Variants in CELSR3 observed in about 807,000 individuals in gnomAD.
CELSR3 encodes EGF-like protein 1.
A neutral mutation model predicts 270.0 loss-of-function variants in CELSR3; 73 were observed. The ratio of observed to expected loss-of-function variants is 0.27; its 90% confidence interval spans 0.22 to 0.33. The LOEUF is 0.33. Ranked by LOEUF, CELSR3 falls within the 10% of genes least tolerant of loss-of-function variation. The pLI, the probability that CELSR3 is intolerant of heterozygous loss-of-function variation, is 1.00. For synonymous variants in CELSR3, 1,780 were observed against 1,905.4 expected, an observed-to-expected ratio of 0.93 and a Z score of 1.71; for missense variants, 3,614 against 4,533.8, an observed-to-expected ratio of 0.80 and a Z score of 5.83.
Position 48,643,075 on chromosome 3 carries a change from C to A in CELSR3, c.8298G>T (p.Ala2766=). Residue 2766 remains alanine (A), a synonymous_variant, in exon 29 of 35, where the codon GCG becomes GCT. Transcript: ENST00000164024. ...HAGLCGLQGL[A]VLLLFCVLNA... ...TTAGGACACAGAAGAGCAGCAGCAC[C>A]GCCAGGCCCTGTGGGTCAGCGAGGG... 1 of 1,610,654 alleles carries A rather than the reference C, an allele frequency of 6.2e-7. No individual in the cohort carries two copies. The highest frequency in any genetic ancestry group is 1.1e-5 in the South Asian group (1 of 91,032).
Position 48,650,276 on chromosome 3 carries a change from T to C in CELSR3, c.6472+204A>G. ...CCTGAGCAAACACGTACCCCTTACC[T>C]GCACCCCGCAATCCTGCCCAGAAGC... On this transcript the variant is annotated intron_variant, in intron 16 of 34. Coordinates refer to ENST00000164024, the MANE Select transcript of CELSR3 (RefSeq NM_001407.3). The surrounding 1 kb of genome is among the most constrained non-coding windows in gnomAD (Gnocchi z 5.1). 1.5e-6 allele frequency: 1 copy of C among 679,038 alleles called. No individual in the cohort carries two copies. Among genetic ancestry groups the C allele is most frequent in the Non-Finnish European group, 2.7e-6 (1 of 370,212 alleles). The allele number at this position is 679,038 out of a possible 1,614,324, so 42.1% of individuals were successfully genotyped here. A position where few individuals can be genotyped will look rare whatever the true frequency, so the allele number is the denominator to read the frequency against.
At position 48,650,439 on chromosome 3, in the gene CELSR3, A is replaced by G; in HGVS notation, c.6472+41T>C. The G allele has an allele frequency of 1.5e-5, 8 of 539,848 alleles. No individual in the cohort carries two copies. The highest frequency in any genetic ancestry group is 4.5e-5 in the East Asian group (1 of 22,462). 33.4% of individuals were successfully genotyped at this position (539,848 alleles called of 1,614,324 possible). A position where few individuals can be genotyped will look rare whatever the true frequency, so the allele number is the denominator to read the frequency against. On this transcript the variant is annotated intron_variant, in intron 16 of 34. Transcript: ENST00000164024. The surrounding 1 kb of genome is among the most constrained non-coding windows in gnomAD (Gnocchi z 5.1). ...GCTCTAGCAGTCAGAGTACAGGCCC[A>G]CCCCCACCCTCAGTGATGTCCTTTC...
At position 48,642,684 on chromosome 3, in the gene CELSR3, G is replaced by A. The variant is rs1326356644; in HGVS notation, c.8555+52C>T. The A allele has an allele frequency of 4.4e-6, 7 of 1,576,668 alleles. No individual in the cohort carries two copies. The Middle Eastern group carries it at 6.8e-4, about 152-fold the overall frequency. On this transcript the variant is annotated intron_variant, in intron 30 of 34. Transcript: ENST00000164024. This position sits in a 1 kb window ranked among gnomAD's most constrained non-coding sequence, Gnocchi z 6.1. ...ACCTGGTCAGCCAAGCCCTGGTAAG[G>A]TGGGGCTGGACTAAGCTGAGTGTTC...
chr3:48,643,995 G>C, intron 27 of CELSR3: 1 of 588,668 alleles, frequency 1.7e-6, no homozygotes, highest in Non-Finnish European at 3.0e-6. Context: ...ACTCTGGGGG[G>C]ACCCAGAGGA....
chr3:48,650,433 A>AGGGGGGGGGGGGGGGGGGGG lies in CELSR3; in HGVS notation c.6472+46_6472+47insCCCCCCCCCCCCCCCCCCCC. ...GACATGGCTCTAGCAGTCAGAGTAC[A>AGGGGGGGGGGGGGGGGGGGG]GGCCCACCCCCACCCTCAGTGATGT... On this transcript the variant is annotated intron_variant, in intron 16 of 34. Coordinates refer to ENST00000164024, the MANE Select transcript of CELSR3 (RefSeq NM_001407.3). The surrounding 1 kb of genome is among the most constrained non-coding windows in gnomAD (Gnocchi z 5.1). The AGGGGGGGGGGGGGGGGGGGG allele has an allele frequency of 4.3e-6, 4 of 927,814 alleles. No individual in the cohort carries two copies. Among genetic ancestry groups the AGGGGGGGGGGGGGGGGGGGG allele is most frequent in the East Asian group, 3.2e-5 (1 of 31,406 alleles). The allele number at this position is 927,814 out of a possible 1,614,324, so 57.5% of individuals were successfully genotyped here. A position where few individuals can be genotyped will look rare whatever the true frequency, so the allele number is the denominator to read the frequency against.
Position 48,638,151 on chromosome 3 carries a change from T to C in CELSR3, c.*54A>G. ...GCCCCCACTCCTGGAGTCTCTCCTGTTAGCCTAGATCCTCTGTCGCCCTCA... is the reference window on the plus strand; with the variant it reads ...GCCCCCACTCCTGGAGTCTCTCCTGCTAGCCTAGATCCTCTGTCGCCCTCA... On this transcript the variant is annotated 3_prime_UTR_variant, in exon 35 of 35. Transcript: ENST00000164024. The C allele has an allele frequency of 6.5e-7, 1 of 1,546,412 alleles. No homozygotes were observed. The highest frequency in any genetic ancestry group is 8.9e-7 in the Non-Finnish European group (1 of 1,118,884).
chr3:48,641,923 G>T lies in CELSR3; in HGVS notation c.8752C>A (p.Arg2918=). Residue 2918 remains arginine, a synonymous_variant, in exon 32 of 35, where the codon CGG becomes AGG. Coordinates refer to ENST00000164024, the MANE Select transcript of CELSR3 (RefSeq NM_001407.3). The surrounding 1 kb of genome is among the most constrained non-coding windows in gnomAD (Gnocchi z 4.8). ...IPSSESEDNG[R]TRGRFQRPLC... ...GGCCGTTGGAAGCGCCCCCGCGTCC[G>T]GCCATTGTCCTCGCTTTCTGAAGAT... 6.2e-7 allele frequency: 1 copy of T among 1,600,522 alleles called. No individual in the cohort carries two copies.
intron 18 of CELSR3, 83 bp downstream of exon 18, chr3:48,648,636 G>C (rs1361882443): frequency 1.3e-6 from 2 of 1,494,664 alleles, no homozygotes; most frequent in Non-Finnish European, 1.8e-6. Flanking sequence ...CAAGAGAACA[G>C]CAGGAGCCTG....
rs1286104010 is a variant in CELSR3, at chr3:48,652,214, C to G, written c.5752-166G>C. Among the ~76,000 whole-genome samples, 1 of 152,194 alleles carries G rather than the reference C, an allele frequency of 6.6e-6. No homozygotes were observed. The highest frequency in any genetic ancestry group is 1.5e-5 in the Non-Finnish European group (1 of 68,024). ...CCCAATTTGGTACCCCTGTGGGACC[C>G]TAATTGTGCTGTTTCTGACACAGAT... On this transcript the variant is annotated intron_variant, in intron 11 of 34. Coordinates refer to ENST00000164024, the MANE Select transcript of CELSR3 (RefSeq NM_001407.3). The surrounding 1 kb of genome is among the most constrained non-coding windows in gnomAD (Gnocchi z 4.3).
chr3:48,645,678 G>A lies in CELSR3; in HGVS notation c.7591-29C>T. The A allele has an allele frequency of 2.5e-6, 4 of 1,602,242 alleles. No individual in the cohort carries two copies. Among genetic ancestry groups the A allele is most frequent in the Non-Finnish European group, 3.4e-6 (4 of 1,171,396 alleles). Reference sequence around the variant, plus strand: ...CAGAGACAGGGATGGTTGATGGGTTGTTGGGCAGAATCCCCGTGTCCCTTT... The same window carrying A: ...CAGAGACAGGGATGGTTGATGGGTTATTGGGCAGAATCCCCGTGTCCCTTT... On this transcript the variant is annotated intron_variant, in intron 23 of 34. Coordinates refer to ENST00000164024, the MANE Select transcript of CELSR3 (RefSeq NM_001407.3). The surrounding 1 kb of genome is among the most constrained non-coding windows in gnomAD (Gnocchi z 5.4).
chr3:48,640,645 C>T lies in CELSR3; in HGVS notation c.9026-86G>A, dbSNP rs1207154905. ...TGCTGAGTCTAGGGGTGTGGCAGCC[C>T]TTGGGATCCTTCCAACACAGGGATG... is the stretch of plus-strand genomic sequence containing the variant. On this transcript the variant is annotated intron_variant, in intron 33 of 34. Coordinates refer to ENST00000164024, the MANE Select transcript of CELSR3 (RefSeq NM_001407.3). The surrounding 1 kb of genome is among the most constrained non-coding windows in gnomAD (Gnocchi z 7.5). 1 of 1,382,428 alleles carries T rather than the reference C, an allele frequency of 7.2e-7. No individual in the cohort carries two copies. Among genetic ancestry groups the T allele is most frequent in the Non-Finnish European group, 9.6e-7 (1 of 1,039,644 alleles). The allele number at this position is 1,382,428 out of a possible 1,614,324, so 85.6% of individuals were successfully genotyped here. A position where few individuals can be genotyped will look rare whatever the true frequency, so the allele number is the denominator to read the frequency against.
At position 48,648,740 on chromosome 3, in the gene CELSR3, T is replaced by G; in HGVS notation, c.6756A>C (p.Thr2252=). The G allele has an allele frequency of 6.2e-7, 1 of 1,612,146 alleles. No homozygotes were observed. The highest frequency in any genetic ancestry group is 8.5e-7 in the Non-Finnish European group (1 of 1,179,920). ...CCACCTCATTGAAGTGGGCATCCTG[T>G]GTGGCTGTCAGCCCGAAGCCCTGCT... ...SHQQGFGLTA[T]QDAHFNENLL... Residue 2252 remains threonine (T), a synonymous_variant, in exon 18 of 35, where the codon ACA becomes ACC. Coordinates refer to ENST00000164024, the MANE Select transcript of CELSR3 (RefSeq NM_001407.3).
Position 48,656,293 on chromosome 3 carries a change from G to A in CELSR3, c.4472C>T (p.Thr1491Ile), listed in dbSNP as rs1418675136. The A allele has an allele frequency of 1.3e-6, 2 of 1,520,566 alleles. No homozygotes were observed. 94.2% of individuals were successfully genotyped at this position (1,520,566 alleles called of 1,614,324 possible). The stretch of plus-strand genomic sequence containing the variant: ...GCGAAAGCCGCCGTTGGGCGCGTCG[G>A]TGCAGGTGCCCCCGTTGCGGCAGAC... Reference protein sequence around the residue: ...PGVCRNGGTCTDAPNGGFRCQ... With the variant: ...PGVCRNGGTCIDAPNGGFRCQ... The change falls in exon 3 of 35, where the codon ACC becomes ATC. Residue 1491 changes from threonine to isoleucine, a missense_variant. By Grantham distance (89) the Thr-to-Ile change is moderately conservative (BLOSUM62 -1). Transcript: ENST00000164024.
At position 48,648,477 on chromosome 3, in the gene CELSR3, T is replaced by C; in HGVS notation, c.6778-16A>G. 2.0e-6 allele frequency: 3 copies of C among 1,519,596 alleles called. No homozygotes were observed. Among genetic ancestry groups the C allele is most frequent in the Non-Finnish European group, 2.6e-6 (3 of 1,136,248 alleles). 94.1% of individuals were successfully genotyped at this position (1,519,596 alleles called of 1,614,324 possible). A position where few individuals can be genotyped will look rare whatever the true frequency, so the allele number is the denominator to read the frequency against. On this transcript the variant is annotated splice_polypyrimidine_tract_variant and intron_variant, in intron 18 of 34. Coordinates refer to ENST00000164024, the MANE Select transcript of CELSR3 (RefSeq NM_001407.3). ...ACAGCAGATTCTGGGAAGACAGAGA[T>C]AGAATTGGGTTCAGCCAGGTGGTGA...
In CELSR3 at chr3:48,642,093, T is replaced by C. The variant is rs2047032444; in HGVS notation, c.8666-84A>G. ...TTGGAGTTGAGGGTCTAGAGGTGGGTACGGCAAGGGGGTTAGGGTTGGGGA... is the reference window on the plus strand; with the variant it reads ...TTGGAGTTGAGGGTCTAGAGGTGGGCACGGCAAGGGGGTTAGGGTTGGGGA... On this transcript the variant is annotated intron_variant, in intron 31 of 34. Coordinates refer to ENST00000164024, the MANE Select transcript of CELSR3 (RefSeq NM_001407.3). This position sits in a 1 kb window ranked among gnomAD's most constrained non-coding sequence, Gnocchi z 6.1. The C allele has an allele frequency of 3.7e-6, 5 of 1,340,584 alleles. No homozygotes were observed. The highest frequency in any genetic ancestry group is 5.0e-6 in the Non-Finnish European group (5 of 991,822). 83.0% of individuals were successfully genotyped at this position (1,340,584 alleles called of 1,614,324 possible).
In CELSR3 at chr3:48,640,344, T is replaced by G. The variant is rs1167341170; in HGVS notation, c.9241A>C (p.Ser3081Arg). 6.2e-7 allele frequency: 1 copy of G among 1,612,622 alleles called. No homozygotes were observed. Among genetic ancestry groups the G allele is most frequent in the South Asian group, 1.1e-5 (1 of 91,052 alleles). The change falls in exon 34 of 35, where the codon AGC becomes CGC. Residue 3081 changes from serine to arginine, a missense_variant. Ser to Arg is a moderately radical substitution (Grantham distance 110, BLOSUM62 -1). Around this residue, in one of 7 missense-constraint regions of CELSR3, gnomAD observed 1,240 missense variants for 1,351.7 expected, o/e 0.92. Coordinates refer to ENST00000164024, the MANE Select transcript of CELSR3 (RefSeq NM_001407.3). This position sits in a 1 kb window ranked among gnomAD's most constrained non-coding sequence, Gnocchi z 7.5. ...GGGGCTTCCTCTAGTCGCTCACGGCTCAGTTGCCGCCGGAGGAGCAGGTCC... is the reference window on the plus strand; with the variant it reads ...GGGGCTTCCTCTAGTCGCTCACGGCGCAGTTGCCGCCGGAGGAGCAGGTCC... ...QLDLLLRRQL[S>R]RERLEEAPAP... is the part of the protein sequence containing the mutation.
rs143056512 is a variant in CELSR3, at chr3:48,660,816, G to T, written c.1819C>A (p.Pro607Thr). 1.2e-6 allele frequency: 2 copies of T among 1,613,950 alleles called. No individual in the cohort carries two copies. Among genetic ancestry groups the T allele is most frequent in the African/African-American group, 1.3e-5 (1 of 74,942 alleles). ...SLTGEIQVVA[P>T]LDFEAEREYA... ...TCTCTCTCTGCCTCGAAGTCCAGAG[G>T]TGCCACCACCTGGATCTCGCCAGTG... Residue 607 changes from proline to threonine, a missense_variant, in exon 1 of 35, where the codon CCT becomes ACT. Pro to Thr is a conservative substitution (Grantham distance 38, BLOSUM62 -1). Around this residue, in one of 7 missense-constraint regions of CELSR3, gnomAD observed 354 missense variants for 500.9 expected, o/e 0.71. Transcript: ENST00000164024. The surrounding 1 kb of genome is among the most constrained non-coding windows in gnomAD (Gnocchi z 5.5).
chr3:48,652,434 C>T lies in CELSR3; in HGVS notation c.5751+3G>A. On this transcript the variant is annotated splice_donor_region_variant and intron_variant, in intron 11 of 34. Transcript: ENST00000164024. The surrounding 1 kb of genome is among the most constrained non-coding windows in gnomAD (Gnocchi z 4.3). ...CATATCACATTCCCATGCTGACCCC[C>T]ACCTGGATGCAGCCAACCAGACCCT... is the stretch of plus-strand genomic sequence containing the variant. 3.1e-6 allele frequency: 5 copies of T among 1,607,870 alleles called. No homozygotes were observed. The highest frequency in any genetic ancestry group is 4.3e-6 in the Non-Finnish European group (5 of 1,174,506).
rs1466403188 is a variant in CELSR3, at chr3:48,654,156, C to A, written c.5152+133G>T. 1.3e-6 allele frequency: 2 copies of A among 1,494,816 alleles called. No individual in the cohort carries two copies. The highest frequency in any genetic ancestry group is 2.8e-5 in the African/African-American group (2 of 71,512). The allele number at this position is 1,494,816 out of a possible 1,614,324, so 92.6% of individuals were successfully genotyped here. A position where few individuals can be genotyped will look rare whatever the true frequency, so the allele number is the denominator to read the frequency against. ...ATGAGTGGGGTTGGTAAGAGTCAGGCCCTAAAATCTGGGCTGTAGCATGGT... is the reference window on the plus strand; with the variant it reads ...ATGAGTGGGGTTGGTAAGAGTCAGGACCTAAAATCTGGGCTGTAGCATGGT... On this transcript the variant is annotated intron_variant, in intron 7 of 34. Transcript: ENST00000164024. The surrounding 1 kb of genome is among the most constrained non-coding windows in gnomAD (Gnocchi z 5.4).
Sources: gnomAD v4.1 joint callset for allele counts (sites outside exome capture counted in the v4.1 genomes callset) on GRCh38, gnomAD v4.1.1 for gene constraint, gnomAD v4.1.1 regional missense constraint, Gnocchi (gnomAD v3.1) non-coding constraint, MANE v1.5 for transcripts, NCBI Gene and HGNC (gene_info 2026-07-23, HGNC 2026-07-21) for gene names.